The following FOXN3 variants were observed in gnomAD, a reference collection of about 807,000 sequenced individuals.
The protein encoded by FOXN3 is forkhead box N3, also known as forkhead box protein N3.
In FOXN3, 7 loss-of-function variants were observed where a neutral mutation model predicts 38.4. The ratio of observed to expected loss-of-function variants is 0.18; its 90% CI spans 0.10 to 0.34. FOXN3 has a LOEUF of 0.34. Ranked by LOEUF, FOXN3 falls within the 10% of genes least tolerant of loss-of-function variation. FOXN3 has a pLI of 1.00. For synonymous variants in FOXN3, 230 were observed against 242.2 expected (o/e 0.95, Z 0.47); for missense variants, 456 against 613.4 (o/e 0.74, Z 2.71).
At chr14:89,508,568 A>C (rs1893996179) in intron 1 of FOXN3, among the ~76,000 whole-genome samples, 1 of 152,342 alleles carries the variant, frequency 6.6e-6, no homozygotes, top group African/African-American at 2.4e-5. Flanking sequence ...GAATGTCAGC[A>C]TCATTCTCAT....
At chr14:89,278,081 C>T (rs1886350771) in intron 4 of FOXN3, among the ~76,000 whole-genome samples, 1 of 152,126 alleles carries the variant, frequency 6.6e-6, no homozygotes. Context: ...TGTATTAGTC[C>T]ATTTTCACGC....
At chr14:89,200,320 T>G (rs1340108350) in intron 4 of FOXN3, among the ~76,000 whole-genome samples, 1 of 152,184 alleles carries the variant, frequency 6.6e-6, no homozygotes, top group African/African-American at 2.4e-5. Context: ...TCTTTCTAAC[T>G]CGTGTAAATT....
At chr14:89,330,229 G>A (rs1473380958) in intron 3 of FOXN3, among the ~76,000 whole-genome samples, 1 of 152,162 alleles carries the variant, frequency 6.6e-6, no homozygotes, top group South Asian at 2.1e-4. Context: ...AAGCACAGGG[G>A]TGCCTGCCAG....
At position 89,393,086 on chromosome 14, in the gene FOXN3, T is replaced by C. The variant is rs539853575; in HGVS notation, c.543+18848A>G. Among the ~76,000 whole-genome samples the C allele has an allele frequency of 5.9e-5, 9 of 152,138 alleles. No individual in the cohort carries two copies. In the East Asian group the frequency reaches 1.7e-3, roughly 29 times the overall value. ...TCCCACAGTGCTGGGGTTACAGGCA[T>C]GAGCCACCGTGCCCGGCTTAATTTT... is the stretch of plus-strand genomic sequence containing the variant. On this transcript the variant is annotated intron_variant, in intron 2 of 5. Coordinates refer to ENST00000557258, the MANE Select transcript of FOXN3 (RefSeq NM_005197.4).
intron 3 of FOXN3, among the ~76,000 whole-genome samples, chr14:89,296,856 C>G (rs1165841782): frequency 6.6e-6 from 1 of 152,090 alleles, no homozygotes; most frequent in Admixed American, 6.6e-5. Flanking sequence ...AGACTGGTCT[C>G]GAACTCCTGA....
At chr14:89,308,275 A>G (rs185085260) in intron 3 of FOXN3, among the ~76,000 whole-genome samples, 33 of 152,360 alleles carry the variant, frequency 2.2e-4, no homozygotes, top group African/African-American at 7.5e-4. Context: ...AAACAAATGA[A>G]CAAACAGACA....
chr14:89,200,370 G>A (rs1385019742), intron 4 of FOXN3, among the ~76,000 whole-genome samples: 2 of 152,180 alleles, frequency 1.3e-5, no homozygotes, highest in Admixed American at 1.3e-4. Flanking sequence ...TCAGGAAGGG[G>A]ATTCTAGGAA....
chr14:89,287,278 C>T lies in FOXN3; in HGVS notation c.681-6264G>A, dbSNP rs371953431. On this transcript the variant is annotated intron_variant, in intron 3 of 5. Coordinates refer to ENST00000557258, the MANE Select transcript of FOXN3 (RefSeq NM_005197.4). ...AAGCAATTCTCCTGCCTTAGCCTCC[C>T]GAGTAGCTGTGATTACAGGCATGCA... Among the ~76,000 whole-genome samples, 70 of 152,150 alleles carry T rather than the reference C, an allele frequency of 4.6e-4. 2 individuals carry two copies. The South Asian group carries it at 0.015, about 32-fold the overall frequency.
intron 3 of FOXN3, among the ~76,000 whole-genome samples, chr14:89,343,825 C>A (rs1433194125): frequency 6.6e-6 from 1 of 151,978 alleles, no homozygotes; most frequent in East Asian, 1.9e-4. Flanking sequence ...TGCAATGGTG[C>A]AATCTCGGCT....
At position 89,180,949 on chromosome 14, in the gene FOXN3, CACAT is replaced by C. The variant is rs1006553802; in HGVS notation, c.746-147_746-144del. ...AGAGAGAAACACACACACACACGTG[CACAT>C]ACACACACACACACACAGTCACACA... is the stretch of plus-strand genomic sequence containing the variant. On this transcript the variant is annotated intron_variant, in intron 4 of 5. Transcript: ENST00000557258. 6.6e-4 allele frequency: 321 copies of C among 488,602 alleles called. No homozygotes were observed. The African/African-American group carries it at 0.014, about 21-fold the overall frequency. The allele number at this position is 488,602 out of a possible 1,614,324, so 30.3% of individuals were successfully genotyped here. A position where few individuals can be genotyped will look rare whatever the true frequency, so the allele number is the denominator to read the frequency against.
intron 1 of FOXN3, among the ~76,000 whole-genome samples, chr14:89,457,233 C>A (rs1420680273): frequency 6.6e-6 from 1 of 152,166 alleles, no homozygotes; most frequent in Non-Finnish European, 1.5e-5. Flanking sequence ...TTCTAGAGAC[C>A]TTCACGGAGT....
At chr14:89,273,589 G>C (rs1323356827) in intron 4 of FOXN3, among the ~76,000 whole-genome samples, 3 of 152,228 alleles carry the variant, frequency 2.0e-5, no homozygotes, top group Non-Finnish European at 4.4e-5. Context: ...AGATGGCAAA[G>C]ATCAGAATCA....
intron 3 of FOXN3, among the ~76,000 whole-genome samples, chr14:89,344,044 G>C (rs1347720305): frequency 6.6e-6 from 1 of 152,132 alleles, no homozygotes; most frequent in Admixed American, 6.5e-5. Context: ...TTACAGGCGT[G>C]AGCCACCGCA....
In FOXN3 at chr14:89,225,039, G is replaced by A. The variant is rs1884588525; in HGVS notation, c.746-44233C>T. ...AGCTACTAGGGAGGCTGAGACAGAA[G>A]AATCCCTTCAACCAGGGAGTCAGAG... On this transcript the variant is annotated intron_variant, in intron 4 of 5. Transcript: ENST00000557258. Among the ~76,000 whole-genome samples the A allele has an allele frequency of 2.0e-5, 3 of 148,714 alleles. No individual in the cohort carries two copies. In the Admixed American group the frequency reaches 2.0e-4, roughly 10 times the overall value.
chr14:89,431,182 T>G (rs529141159), intron 1 of FOXN3, among the ~76,000 whole-genome samples: 1 of 152,332 alleles, frequency 6.6e-6, no homozygotes, highest in South Asian at 2.1e-4. Flanking sequence ...CTCTACGTGT[T>G]TAGCACATTT....
upstream of FOXN3, chr14:89,419,206 G>C (rs1891841388): frequency 2.2e-6 from 1 of 455,934 alleles, no homozygotes; most frequent in Admixed American, 2.3e-5. Flanking sequence ...AGGAAGTGGT[G>C]GACCAGCCCT....
chr14:89,169,920 C>T (rs2040193083), intron 5 of FOXN3, among the ~76,000 whole-genome samples: 1 of 152,100 alleles, frequency 6.6e-6, no homozygotes, highest in African/African-American at 2.4e-5. Flanking sequence ...CGCTAAAAAT[C>T]TTCAGCTAAA....
chr14:89,235,397 C>G (rs913939506), intron 4 of FOXN3, among the ~76,000 whole-genome samples: 1 of 152,078 alleles, frequency 6.6e-6, no homozygotes, highest in Non-Finnish European at 1.5e-5. Context: ...TCTGCCAACC[C>G]CAATCAGCAC....
chr14:89,431,348 T>G (rs1488039180), intron 1 of FOXN3, among the ~76,000 whole-genome samples: 1 of 152,136 alleles, frequency 6.6e-6, no homozygotes, highest in Admixed American at 6.5e-5. Flanking sequence ...GTAACTGGGA[T>G]GACAGGCGCC....
Sources: gnomAD v4.1 joint callset for allele counts (sites outside exome capture counted in the v4.1 genomes callset) on GRCh38, gnomAD v4.1.1 for gene constraint, MANE v1.5 for transcripts, NCBI Gene and HGNC (gene_info 2026-07-23, HGNC 2026-07-21) for gene names.